Variants in CCDC38 observed in about 807,000 individuals in gnomAD.
CCDC38 encodes the protein coiled-coil domain-containing protein 38.
A neutral mutation model predicts 72.8 loss-of-function variants in CCDC38; 69 were observed. The ratio of observed to expected loss-of-function variants is 0.95; its 90% CI spans 0.78 to 1.16. CCDC38 has a LOEUF of 1.16. Ranked by LOEUF, CCDC38 falls within the 50% of genes most tolerant of loss-of-function variation. The pLI, the probability that CCDC38 is intolerant of heterozygous loss-of-function variation, is 0.00. For synonymous variants in CCDC38, 201 were observed against 213.2 expected (o/e 0.94, Z 0.50); for missense variants, 626 against 638.9 (o/e 0.98, Z 0.22).
At chr12:95,887,662 G>A (rs1260622864) in intron 10 of CCDC38, among the ~76,000 whole-genome samples, 1 of 152,186 alleles carries the variant, frequency 6.6e-6, no homozygotes, top group African/African-American at 2.4e-5. Flanking sequence ...CTGCGCTGAC[G>A]TTCTGTATTT....
chr12:95,898,038 A>G (rs1169559850), intron 7 of CCDC38, among the ~76,000 whole-genome samples: 1 of 152,240 alleles, frequency 6.6e-6, no homozygotes, highest in Non-Finnish European at 1.5e-5. Flanking sequence ...AATGAATGCA[A>G]AAGTGCAACC....
intron 4 of CCDC38, among the ~76,000 whole-genome samples, chr12:95,909,794 C>T (rs894096291): frequency 6.6e-6 from 1 of 152,090 alleles, no homozygotes; most frequent in African/African-American, 2.4e-5. Context: ...GAATTAAACC[C>T]CAAAACCATA....
intron 13 of CCDC38, among the ~76,000 whole-genome samples, chr12:95,877,233 T>C (rs1292449609): frequency 6.6e-6 from 1 of 152,220 alleles, no homozygotes; most frequent in Non-Finnish European, 1.5e-5. Flanking sequence ...TCTTCAGGAC[T>C]CAGACCTTCG....
chr12:95,891,912 T>C (rs778136411), intron 8 of CCDC38, among the ~76,000 whole-genome samples: 17 of 152,036 alleles, frequency 1.1e-4, no homozygotes, highest in African/African-American at 3.1e-4. Context: ...AGTTCGCCAA[T>C]TTCTGTGTTG....
intron 2 of CCDC38, among the ~76,000 whole-genome samples, chr12:95,929,068 C>T (rs942472372): frequency 6.6e-6 from 1 of 152,190 alleles, no homozygotes; most frequent in African/African-American, 2.4e-5. Context: ...GGGCTCCACC[C>T]AGTTCGAGCT....
intron 9 of CCDC38, 121 bp from the exon 10 acceptor site, chr12:95,888,627 G>T: frequency 1.3e-6 from 1 of 758,162 alleles, no homozygotes; most frequent in South Asian, 1.6e-5. Flanking sequence ...GCACAGACAT[G>T]CCCATTACTT....
At chr12:95,871,164 C>G (rs1470338383) in intron 14 of CCDC38, among the ~76,000 whole-genome samples, 3 of 152,160 alleles carry the variant, frequency 2.0e-5, no homozygotes, top group Non-Finnish European at 4.4e-5. Context: ...GTCATATTTA[C>G]AATAATCATT....
intron 5 of CCDC38, among the ~76,000 whole-genome samples, chr12:95,900,031 G>A (rs1344990053): frequency 6.6e-6 from 1 of 152,134 alleles, no homozygotes; most frequent in African/African-American, 2.4e-5. Context: ...GATTTCTGAG[G>A]GAGGAATGTT....
intron 13 of CCDC38, among the ~76,000 whole-genome samples, chr12:95,874,829 A>G (rs922045800): frequency 1.3e-5 from 2 of 152,162 alleles, no homozygotes; most frequent in South Asian, 2.1e-4. Flanking sequence ...GGGAGAGGGG[A>G]AAGGTTGCCG....
intron 13 of CCDC38, among the ~76,000 whole-genome samples, chr12:95,877,585 C>T (rs978607248): frequency 6.6e-6 from 1 of 152,194 alleles, no homozygotes; most frequent in Non-Finnish European, 1.5e-5. Context: ...GGTCTAAAAG[C>T]TAACCTCATC....
rs546065272 is a variant in CCDC38, at chr12:95,914,807, T to C, written c.304+2322A>G. ...TATACCCTACACACACTTTTTTTTT[T>C]CCCAAGCCATTCATTTGTTCAAGAA... is the stretch of plus-strand genomic sequence containing the variant. On this transcript the variant is annotated intron_variant, in intron 4 of 15. Transcript: ENST00000344280. 1.5e-4 allele frequency among the ~76,000 whole-genome samples: 23 copies of C among 152,204 alleles called. No homozygotes were observed. The South Asian group carries it at 1.7e-3, about 11-fold the overall frequency.
intron 5 of CCDC38, among the ~76,000 whole-genome samples, chr12:95,904,075 T>G (rs1011826371): frequency 2.6e-5 from 4 of 151,806 alleles, no homozygotes; most frequent in African/African-American, 9.7e-5. Flanking sequence ...AAGCTACCAT[T>G]TATTTCTTTC....
At chr12:95,894,807 A>G (rs11108320) in intron 8 of CCDC38, among the ~76,000 whole-genome samples, 182 bp downstream of exon 8, 28,676 of 152,146 alleles carry the variant, frequency 0.19, 2,842 homozygotes, top group African/African-American at 0.24. Flanking sequence ...TAAATAGGCA[A>G]AGACACTTTA....
intron 11 of CCDC38, among the ~76,000 whole-genome samples, chr12:95,880,842 G>A (rs957953342): frequency 6.6e-6 from 1 of 152,174 alleles, no homozygotes; most frequent in Non-Finnish European, 1.5e-5. Flanking sequence ...GGCTATGGGA[G>A]GGAGAAAAGA....
At chr12:95,874,613 G>A (rs573491752) in intron 13 of CCDC38, among the ~76,000 whole-genome samples, 17 of 152,346 alleles carry the variant, frequency 1.1e-4, no homozygotes, top group Admixed American at 2.6e-4. Context: ...ACAGGGAAGG[G>A]AAGTTTCAGC....
intron 13 of CCDC38, among the ~76,000 whole-genome samples, chr12:95,875,492 CAT>C (rs2121418131): frequency 6.6e-6 from 1 of 152,210 alleles, no homozygotes; most frequent in South Asian, 2.1e-4. Flanking sequence ...TCCAGAGTAA[CAT>C]AATTTATGAA....
At chr12:95,908,289 G>A (rs1487190351) in intron 4 of CCDC38, among the ~76,000 whole-genome samples, 11 of 151,006 alleles carry the variant, frequency 7.3e-5, no homozygotes, top group Non-Finnish European at 1.3e-4. Context: ...GCGAAACCCC[G>A]TCTCCACCCA....
At chr12:95,899,319 A>G (rs2079926769) in intron 5 of CCDC38, among the ~76,000 whole-genome samples, 1 of 152,108 alleles carries the variant, frequency 6.6e-6, no homozygotes, top group South Asian at 2.1e-4. Flanking sequence ...TGTTTTTGAG[A>G]CAAGGTCTTG....
chr12:95,901,152 A>G (rs938487088), intron 5 of CCDC38, among the ~76,000 whole-genome samples: 5 of 152,216 alleles, frequency 3.3e-5, no homozygotes, highest in Non-Finnish European at 5.9e-5. Flanking sequence ...CATGAACAGT[A>G]GTCTGATTAT....
Sources: allele counts gnomAD v4.1 joint callset (sites outside exome capture counted in the v4.1 genomes callset), GRCh38; gene constraint gnomAD v4.1.1; transcripts MANE v1.5; gene names NCBI Gene and HGNC (gene_info 2026-07-23, HGNC 2026-07-21).